The following LIMK1 variants were observed in gnomAD, a reference collection of about 807,000 sequenced individuals.
The protein encoded by LIMK1 is LIM motif-containing protein kinase.
LIMK1 carries 21 observed loss-of-function variants against 77.6 expected under a neutral mutation model. The observed-to-expected ratio is 0.27, with a 90% CI of 0.19 to 0.39. The LOEUF is 0.39. LIMK1 is among the 10% of genes least tolerant of loss of function. The pLI is 1.00. For synonymous variants in LIMK1, 358 were observed against 370.0 expected (o/e 0.97, Z 0.37); for missense variants, 696 against 901.6 (o/e 0.77, Z 2.92).
chr7:74,091,954 C>CCT (rs1799245151), intron 2 of LIMK1, among the ~76,000 whole-genome samples: 1 of 80,624 alleles, frequency 1.2e-5, no homozygotes, highest in African/African-American at 6.6e-5. Context: ...GGCTGTACAG[C>CCT]TTTTTTTTTT....
intron 4 of LIMK1, among the ~76,000 whole-genome samples, chr7:74,097,840 AC>A (rs2115665214): frequency 6.6e-6 from 1 of 152,248 alleles, no homozygotes; most frequent in East Asian, 1.9e-4. Flanking sequence ...TCCCCAACCC[AC>A]TCACACTTCT....
chr7:74,116,423 T>C (rs1230790869), intron 13 of LIMK1, among the ~76,000 whole-genome samples: 4 of 151,938 alleles, frequency 2.6e-5, no homozygotes, highest in African/African-American at 9.7e-5. Context: ...AAAAAATAAA[T>C]AAATAGAAGA....
In LIMK1 at chr7:74,120,568, G is replaced by T; in HGVS notation, c.1568-15G>T. Reference sequence around the variant, plus strand: ...CCCATGTGTTCATCTGCTGACAGTCGGTCTCTTTATCCAGGCCGCAGCTAT... The same window carrying T: ...CCCATGTGTTCATCTGCTGACAGTCTGTCTCTTTATCCAGGCCGCAGCTAT... On this transcript the variant is annotated splice_polypyrimidine_tract_variant and intron_variant, in intron 13 of 15. Transcript: ENST00000336180. 1.9e-6 allele frequency: 3 copies of T among 1,614,068 alleles called. No homozygotes were observed. Among genetic ancestry groups the T allele is most frequent in the Non-Finnish European group, 2.5e-6 (3 of 1,179,902 alleles).
chr7:74,114,178 T>C (rs1799759247), intron 12 of LIMK1, among the ~76,000 whole-genome samples: 1 of 151,112 alleles, frequency 6.6e-6, no homozygotes, highest in South Asian at 2.1e-4. Flanking sequence ...ACCCGGGAGG[T>C]GGAGGTTGCT....
intron 13 of LIMK1, among the ~76,000 whole-genome samples, chr7:74,118,798 A>AGG (rs1310832708): frequency 1.3e-5 from 2 of 152,128 alleles, no homozygotes; most frequent in African/African-American, 4.8e-5. Context: ...GATTAGTGTG[A>AGG]GGATTAAAGG....
intron 13 of LIMK1, among the ~76,000 whole-genome samples, chr7:74,117,486 C>G (rs1554699749): frequency 6.6e-6 from 1 of 152,122 alleles, no homozygotes; most frequent in Non-Finnish European, 1.5e-5. Context: ...GATCATAGTT[C>G]TGCCTCCCAC....
Position 74,121,204 on chromosome 7 carries a change from C to T in LIMK1, c.1847C>T (p.Pro616Leu). 6.2e-7 allele frequency: 1 copy of T among 1,613,892 alleles called. No homozygotes were observed. Among genetic ancestry groups the T allele is most frequent in the Non-Finnish European group, 8.5e-7 (1 of 1,179,978 alleles). ...CGCATGCACCTGGCCGGCCACCTGC[C>T]ACTGGGCCCACAGCTGGAGCAGCTG... ...TLRMHLAGHL[P>L]LGPQLEQLDR... Residue 616 changes from proline to leucine, a missense_variant, in exon 16 of 16, where the codon CCA becomes CTA. By Grantham distance (98) the Pro-to-Leu change is moderately conservative. This residue lies in a region of LIMK1 where 438 missense variants were observed against 602.3 expected (regional missense o/e 0.73). Coordinates refer to ENST00000336180, the MANE Select transcript of LIMK1 (RefSeq NM_002314.4).
rs528381201 is a variant in LIMK1, at chr7:74,090,231, C to T, written c.152+4387C>T. On this transcript the variant is annotated intron_variant, in intron 2 of 15. Coordinates refer to ENST00000336180, the MANE Select transcript of LIMK1 (RefSeq NM_002314.4). The stretch of plus-strand genomic sequence containing the variant: ...CTCTACTAAAAATACAAAAATTAGC[C>T]GGGCCTGTTGGTGGGCGCCTGTAAT... Among the ~76,000 whole-genome samples, 334 of 152,058 alleles carry T rather than the reference C, an allele frequency of 2.2e-3. 1 individual carries two copies. The highest frequency in any genetic ancestry group is 3.8e-3 in the Non-Finnish European group (259 of 67,960).
intron 11 of LIMK1, 107 bp from the exon 12 acceptor site, chr7:74,111,826 C>A: frequency 7.0e-7 from 1 of 1,433,582 alleles, no homozygotes; most frequent in Non-Finnish European, 9.8e-7. Flanking sequence ...GAAGAATCGT[C>A]CCGACTGGCC....
intron 7 of LIMK1, 119 bp from the exon 8 acceptor site, chr7:74,106,889 CAG>C: frequency 2.9e-6 from 3 of 1,020,312 alleles, no homozygotes; most frequent in South Asian, 1.8e-5. Flanking sequence ...CCTCCCAAAG[CAG>C]GGGGTGATTG....
intron 2 of LIMK1, 131 bp from the exon 3 acceptor site, chr7:74,096,491 C>A: frequency 8.2e-7 from 1 of 1,217,702 alleles, no homozygotes; most frequent in Non-Finnish European, 1.1e-6. Context: ...CAGAGCAAGA[C>A]TCCGTCTCAA....
chr7:74,103,654 T>C (rs963921470), intron 5 of LIMK1, among the ~76,000 whole-genome samples: 4 of 152,216 alleles, frequency 2.6e-5, no homozygotes, highest in Non-Finnish European at 4.4e-5. Flanking sequence ...CCCAAATGAT[T>C]TGAGCATCTA....
At chr7:74,092,258 G>A (rs117390614) in intron 2 of LIMK1, among the ~76,000 whole-genome samples, 207 of 152,170 alleles carry the variant, frequency 1.4e-3, no homozygotes, top group Non-Finnish European at 2.1e-3. Flanking sequence ...GAGCCACTGC[G>A]CACAGGCAGC....
intron 12 of LIMK1, chr7:74,115,437 A>C: frequency 4.8e-6 from 1 of 206,532 alleles, no homozygotes; most frequent in Non-Finnish European, 9.9e-6. Context: ...AAAAAACAAA[A>C]GAATTCCTGT....
At chr7:74,098,982 TTGA>T in intron 4 of LIMK1, 47 bp from the exon 5 acceptor site, 4 of 1,478,376 alleles carry the variant, frequency 2.7e-6, no homozygotes. Flanking sequence ...GATGCTGAAA[TTGA>T]TGACGCCCTT....
At chr7:74,091,208 G>A (rs551679358) in intron 2 of LIMK1, among the ~76,000 whole-genome samples, 17 of 151,986 alleles carry the variant, frequency 1.1e-4, no homozygotes, top group African/African-American at 3.9e-4. Flanking sequence ...ACAGGCGTGA[G>A]CCACCGTGCC....
intron 1 of LIMK1, 24 bp downstream of exon 1, chr7:74,084,069 G>A (rs1799082559): frequency 1.4e-6 from 2 of 1,423,382 alleles, no homozygotes; most frequent in Non-Finnish European, 1.9e-6. Flanking sequence ...GGGGTGTGGG[G>A]CGAGGGCCTG....
intron 12 of LIMK1, among the ~76,000 whole-genome samples, chr7:74,114,890 G>A (rs1799775720): frequency 6.7e-6 from 1 of 149,026 alleles, no homozygotes. Context: ...ACTTCAACCT[G>A]GGCAATAGAG....
intron 5 of LIMK1, among the ~76,000 whole-genome samples, chr7:74,100,534 C>A (rs1799436015): frequency 1.3e-5 from 2 of 151,736 alleles, no homozygotes; most frequent in Non-Finnish European, 2.9e-5. Context: ...GCAATTCTTG[C>A]ACCTCAGCCC....
Sources: allele counts gnomAD v4.1 joint callset (sites outside exome capture counted in the v4.1 genomes callset), GRCh38; gene constraint gnomAD v4.1.1; regional missense constraint gnomAD v4.1.1; transcripts MANE v1.5; gene names NCBI Gene and HGNC (gene_info 2026-07-23, HGNC 2026-07-21).